Variants in GLS2 observed in about 807,000 individuals in gnomAD.
GLS2 encodes the protein glutaminase liver isoform, mitochondrial.
Under a neutral mutation model 79.0 loss-of-function variants are expected in GLS2, and 52 were observed. The ratio of observed to expected loss-of-function variants is 0.66; its 90% CI spans 0.53 to 0.83. The LOEUF (loss-of-function observed/expected upper bound fraction) is 0.83, where lower values mean the gene tolerates loss of function less well. Among genes scored for constraint, GLS2 ranks in the 40% least tolerant of loss-of-function variants. The pLI is 0.00. For synonymous variants in GLS2, 238 were observed against 280.8 expected (o/e 0.85, Z 1.52); for missense variants, 561 against 764.8 (o/e 0.73, Z 3.14).
At chr12:56,480,888 G>A (rs1175452431) in intron 1 of GLS2, among the ~76,000 whole-genome samples, 1 of 152,222 alleles carries the variant, frequency 6.6e-6, no homozygotes, top group Non-Finnish European at 1.5e-5. Context: ...TGGTGTAGTA[G>A]ACCAGAGTTT....
In GLS2 at chr12:56,474,580, G is replaced by A. The variant is rs200425538; in HGVS notation, c.1188C>T (p.Cys396=). ...VRNTLSLMHS[C]GMYDFSGQFA... is the part of the protein sequence containing the mutation. ...ACTGGCCAGAGAAGTCATACATGCC[G>A]CAGGAATGCATGAGGCTGAGGGTGT... Residue 396 remains cysteine (C), a synonymous_variant, in exon 12 of 18, where the codon TGC becomes TGT. Coordinates refer to ENST00000311966, the MANE Select transcript of GLS2 (RefSeq NM_013267.4). 124 of 1,614,128 alleles carry A rather than the reference G, an allele frequency of 7.7e-5. 1 individual carries two copies. In the East Asian group the frequency reaches 1.3e-3, roughly 17 times the overall value.
intron 1 of GLS2, among the ~76,000 whole-genome samples, chr12:56,483,595 G>A (rs543608808): frequency 2.2e-4 from 34 of 152,090 alleles, no homozygotes; most frequent in African/African-American, 6.3e-4. Context: ...TAAAAGAAGC[G>A]TGTGGTAGTA....
chr12:56,483,399 A>C (rs561263409), intron 1 of GLS2, among the ~76,000 whole-genome samples: 3 of 152,166 alleles, frequency 2.0e-5, no homozygotes, highest in South Asian at 2.1e-4. Context: ...TGTTAGTAAT[A>C]GTAAGATTAG....
intron 1 of GLS2, among the ~76,000 whole-genome samples, chr12:56,483,455 A>G (rs998600385): frequency 1.3e-5 from 2 of 152,132 alleles, no homozygotes; most frequent in African/African-American, 2.4e-5. Context: ...ATTATGGTAT[A>G]TTCATATAAT....
At chr12:56,483,381 C>T (rs1870451450) in intron 1 of GLS2, among the ~76,000 whole-genome samples, 1 of 151,796 alleles carries the variant, frequency 6.6e-6, no homozygotes, top group Non-Finnish European at 1.5e-5. Flanking sequence ...GCCCGGCCCT[C>T]ATCACACTGT....
chr12:56,478,323 T>C (rs1870006619), intron 4 of GLS2, 61 bp from the exon 5 acceptor site: 3 of 1,546,356 alleles, frequency 1.9e-6, no homozygotes, highest in Non-Finnish European at 2.7e-6. Context: ...AGAGTTGAGG[T>C]TGAGGGTCAA....
intron 4 of GLS2, 65 bp downstream of exon 4, chr12:56,478,987 A>G (rs1870067182): frequency 2.1e-4 from 13 of 62,286 alleles, no homozygotes; most frequent in East Asian, 6.9e-4. Context: ...CTGTCTCAGG[A>G]AAAAAAAAAA....
chr12:56,477,536 T>C, intron 7 of GLS2, 124 bp downstream of exon 7: 1 of 974,106 alleles, frequency 1.0e-6, no homozygotes. Context: ...TCATGTGCCT[T>C]CTGGGGACCC....
chr12:56,473,075 G>A, intron 14 of GLS2, 153 bp downstream of exon 14: 1 of 699,248 alleles, frequency 1.4e-6, no homozygotes, highest in Admixed American at 3.0e-5. Context: ...ATTTTCAATA[G>A]AGACCAGGTT....
At chr12:56,478,476 T>G in intron 4 of GLS2, 1 of 557,958 alleles carries the variant, frequency 1.8e-6, no homozygotes, top group African/African-American at 1.9e-5. Flanking sequence ...GAGATAGCAG[T>G]AAAGCCAATG....
At chr12:56,482,005 C>A (rs1268352004) in intron 1 of GLS2, among the ~76,000 whole-genome samples, 1 of 152,112 alleles carries the variant, frequency 6.6e-6, no homozygotes, top group Admixed American at 6.5e-5. Context: ...CCAAGGCGGG[C>A]AGATCACCTG....
rs138320590 is a variant in GLS2, at chr12:56,473,047, G to A, written c.1449+181C>T. The A allele has an allele frequency of 2.8e-3, 1,754 of 628,246 alleles. 25 individuals are homozygous for A. In the African/African-American group the frequency reaches 0.029, roughly 11 times the overall value. 38.9% of individuals were successfully genotyped at this position (628,246 alleles called of 1,614,324 possible). A position where few individuals can be genotyped will look rare whatever the true frequency, so the allele number is the denominator to read the frequency against. On this transcript the variant is annotated intron_variant, in intron 14 of 17. Transcript: ENST00000311966. ...TGGGACCACAGGCGCGTGCCACCAC[G>A]TCTGGCTAATTTTTTGTATTTTCAA... is the stretch of plus-strand genomic sequence containing the variant.
chr12:56,471,689 G>A, intron 17 of GLS2, 46 bp from the exon 18 acceptor site: 3 of 1,612,196 alleles, frequency 1.9e-6, no homozygotes, highest in East Asian at 2.2e-5. Flanking sequence ...CGTGGAGAGT[G>A]GTGGTTGTAT....
chr12:56,475,598 A>G (rs753787808), intron 9 of GLS2, 26 bp downstream of exon 9: 2 of 1,610,388 alleles, frequency 1.2e-6, no homozygotes, highest in Non-Finnish European at 1.7e-6. Context: ...CAATGCTTTC[A>G]GTCAGTCCTC....
intron 16 of GLS2, 98 bp downstream of exon 16, chr12:56,472,021 C>T (rs1869320894): frequency 7.2e-7 from 1 of 1,388,992 alleles, no homozygotes; most frequent in Non-Finnish European, 1.0e-6. Context: ...TAGTTGCTGC[C>T]CCTATAACCT....
chr12:56,487,301 A>C (rs1870764004), intron 1 of GLS2, among the ~76,000 whole-genome samples: 1 of 152,248 alleles, frequency 6.6e-6, no homozygotes, highest in Admixed American at 6.5e-5. Context: ...GGCAGCACAA[A>C]TAAAGGCTCT....
chr12:56,485,431 ATT>A (rs1360484028), intron 1 of GLS2, among the ~76,000 whole-genome samples: 1 of 141,442 alleles, frequency 7.1e-6, no homozygotes, highest in Non-Finnish European at 1.6e-5. Flanking sequence ...TAATTTCTGT[ATT>A]TTTTTTTTTT....
intron 2 of GLS2, 137 bp from the exon 3 acceptor site, chr12:56,480,038 A>G: frequency 8.3e-7 from 1 of 1,199,612 alleles, no homozygotes; most frequent in African/African-American, 1.5e-5. Context: ...GGAGAATAAG[A>G]AAGGAGGGGA....
At chr12:56,483,479 G>A (rs895457337) in intron 1 of GLS2, among the ~76,000 whole-genome samples, 1 of 152,128 alleles carries the variant, frequency 6.6e-6, no homozygotes, top group Non-Finnish European at 1.5e-5. Context: ...ATATTATGCA[G>A]TGTAAAAAAA....
Sources: allele counts gnomAD v4.1 joint callset (sites outside exome capture counted in the v4.1 genomes callset), GRCh38; gene constraint gnomAD v4.1.1; transcripts MANE v1.5; gene names NCBI Gene and HGNC (gene_info 2026-07-23, HGNC 2026-07-21).